Variants in SPAG9 observed in about 807,000 individuals in gnomAD.
SPAG9 encodes sperm associated antigen 9, also known as C-Jun-amino-terminal kinase-interacting protein 4.
A neutral mutation model predicts 166.5 loss-of-function variants in SPAG9; 35 were observed. The observed-to-expected ratio is 0.21, with a 90% CI of 0.16 to 0.28. The LOEUF (loss-of-function observed/expected upper bound fraction) is 0.28, where lower values mean the gene tolerates loss of function less well. SPAG9 is among the 10% of genes least tolerant of loss of function. The probability of loss-of-function intolerance (pLI) is 1.00; values close to 1 mark genes in which losing one functional copy is unlikely to be tolerated. For missense variants in SPAG9, 1,235 were observed against 1,603.3 expected, an observed-to-expected ratio of 0.77 and a Z score of 3.92; for synonymous variants, 534 against 565.5, an observed-to-expected ratio of 0.94 and a Z score of 0.79.
At chr17:50,992,408 G>A (rs1019056571) in intron 19 of SPAG9, among the ~76,000 whole-genome samples, 14 of 152,088 alleles carry the variant, frequency 9.2e-5, no homozygotes, top group African/African-American at 3.1e-4. Flanking sequence ...TTGTTAAGAG[G>A]GCTGGGCATC....
At position 50,974,798 on chromosome 17, in the gene SPAG9, C is replaced by T. The variant is rs1974099067; in HGVS notation, c.3673G>A (p.Ala1225Thr). The change falls in exon 28 of 30, where the codon GCT (alanine) becomes ACT (threonine). Residue 1225 changes from alanine to threonine, a missense_variant. By Grantham distance (58) the Ala-to-Thr change is moderately conservative. This residue lies in a region of SPAG9 where 243 missense variants were observed against 358.6 expected (regional missense o/e 0.68). Coordinates refer to ENST00000262013, the MANE Select transcript of SPAG9 (RefSeq NM_001130528.3). ...AQLCFHGHRD[A>T]VKFFVAVPGQ... is the part of the protein sequence containing the mutation. ...GGGACTGCCACAAAGAATTTCACAG[C>T]ATCCCGGTGCCCATGGAAGCAAAGC... 1.2e-6 allele frequency: 2 copies of T among 1,601,240 alleles called. No homozygotes were observed. Among genetic ancestry groups the T allele is most frequent in the Non-Finnish European group, 1.7e-6 (2 of 1,176,748 alleles).
intron 2 of SPAG9, among the ~76,000 whole-genome samples, chr17:51,062,590 CT>C (rs1203032993): frequency 6.6e-6 from 1 of 151,818 alleles, no homozygotes; most frequent in Non-Finnish European, 1.5e-5. Flanking sequence ...TACTCCATAT[CT>C]TTTTTTTGTT....
At chr17:51,097,127 T>C (rs779655075) in intron 1 of SPAG9, among the ~76,000 whole-genome samples, 6 of 152,202 alleles carry the variant, frequency 3.9e-5, no homozygotes, top group Non-Finnish European at 5.9e-5. Context: ...AAGAACAAGG[T>C]TGAGAGATCT....
intron 1 of SPAG9, among the ~76,000 whole-genome samples, chr17:51,087,381 T>C (rs999307411): frequency 6.6e-6 from 1 of 152,208 alleles, no homozygotes; most frequent in African/African-American, 2.4e-5. Flanking sequence ...GACGGTGTCA[T>C]GAAATTCAAA....
Position 51,007,279 on chromosome 17 carries a change from A to G in SPAG9, c.1261T>C (p.Leu421=), listed in dbSNP as rs2144030449. The change falls in exon 10 of 30, where the codon TTG becomes CTG. Residue 421 remains leucine, a synonymous_variant. Transcript: ENST00000262013. ...TTCACATATACTTACTTGGTTTCCA[A>G]CAGTTGTGTATTTTCTAATATAAGA... ...ENLILENTQL[L]ETKNALNIVK... The G allele has an allele frequency of 6.4e-7, 1 of 1,574,368 alleles. No homozygotes were observed. Among genetic ancestry groups the G allele is most frequent in the Non-Finnish European group, 8.7e-7 (1 of 1,154,028 alleles).
Position 50,987,053 on chromosome 17 carries a change from C to T in SPAG9, c.2939+59G>A, listed in dbSNP as rs985698733. 11 of 1,515,262 alleles carry T rather than the reference C, an allele frequency of 7.3e-6. No individual in the cohort carries two copies. The Admixed American group carries it at 1.1e-4, about 15-fold the overall frequency. 93.9% of individuals were successfully genotyped at this position (1,515,262 alleles called of 1,614,324 possible). ...TTGTTTACCATATTTTACTTATCTT[C>T]TGATTTCAAAAGCAAAAGTAAAACA... On this transcript the variant is annotated intron_variant, in intron 22 of 29. Transcript: ENST00000262013.
At chr17:51,059,796 A>C (rs1278360399) in intron 2 of SPAG9, among the ~76,000 whole-genome samples, 4 of 145,090 alleles carry the variant, frequency 2.8e-5, no homozygotes, top group Non-Finnish European at 6.1e-5. Context: ...ACAAACAAAC[A>C]AACCAAAAAC....
In SPAG9 at chr17:50,979,906, A is replaced by C. The variant is rs112962644; in HGVS notation, c.3249T>G (p.Asp1083Glu). The change falls in exon 26 of 30, where the codon GAT becomes GAG. Residue 1083 changes from aspartate to glutamate, a missense_variant. This residue lies in a region of SPAG9 where 243 missense variants were observed against 358.6 expected (regional missense o/e 0.68). Transcript: ENST00000262013. Reference protein sequence around the residue: ...PKAMKIEKSFDAHPRKESQVR... With the variant: ...PKAMKIEKSFEAHPRKESQVR... ...CTTGGCTCTCCTTCCTGGGATGTGC[A>C]TCAAAAGATTTCTAGGAGAGATTGT... 8 of 1,613,014 alleles carry C rather than the reference A, an allele frequency of 5.0e-6. No homozygotes were observed. Among genetic ancestry groups the C allele is most frequent in the Non-Finnish European group, 6.8e-6 (8 of 1,179,026 alleles).
intron 1 of SPAG9, among the ~76,000 whole-genome samples, chr17:51,113,540 T>C (rs1347047747): frequency 6.7e-6 from 1 of 148,260 alleles, no homozygotes; most frequent in Non-Finnish European, 1.5e-5. Flanking sequence ...GTTAGCGAGG[T>C]GTGGTTGTGA....
chr17:51,113,792 T>C (rs955620973), intron 1 of SPAG9, among the ~76,000 whole-genome samples: 5 of 151,736 alleles, frequency 3.3e-5, no homozygotes, highest in Non-Finnish European at 5.9e-5. Context: ...AGCCCAAATA[T>C]TCAAGATCAG....
At chr17:51,047,859 A>T (rs2047073808) in intron 3 of SPAG9, among the ~76,000 whole-genome samples, 1 of 152,118 alleles carries the variant, frequency 6.6e-6, no homozygotes, top group Non-Finnish European at 1.5e-5. Flanking sequence ...CCATTCACTA[A>T]AATGAGACAC....
intron 25 of SPAG9, among the ~76,000 whole-genome samples, chr17:50,980,861 G>A (rs995060325): frequency 1.1e-4 from 17 of 152,104 alleles, no homozygotes; most frequent in African/African-American, 4.1e-4. Context: ...AATTAGTCAG[G>A]TATAATGGTG....
chr17:50,985,893 G>A, intron 22 of SPAG9, 115 bp from the exon 23 acceptor site: 1 of 579,284 alleles, frequency 1.7e-6, no homozygotes, highest in Non-Finnish European at 3.0e-6. Flanking sequence ...ACAAATTTTA[G>A]GAAAAGGTGC....
At chr17:50,973,264 G>A (rs866289221) in intron 28 of SPAG9, among the ~76,000 whole-genome samples, 1 of 152,114 alleles carries the variant, frequency 6.6e-6, no homozygotes. Context: ...AGGGGCAAGA[G>A]GATTTGCATC....
chr17:50,999,721 C>A lies in SPAG9; in HGVS notation c.1608-4G>T. On this transcript the variant is annotated splice_polypyrimidine_tract_variant and splice_region_variant and intron_variant, in intron 13 of 29. Coordinates refer to ENST00000262013, the MANE Select transcript of SPAG9 (RefSeq NM_001130528.3). ...GGCTGGATTTTCTCGTGATGCCCTA[C>A]ATTCAAAAAGAAAAGAAAAGAAACA... 1 of 1,611,142 alleles carries A rather than the reference C, an allele frequency of 6.2e-7. No individual in the cohort carries two copies. Among genetic ancestry groups the A allele is most frequent in the Non-Finnish European group, 8.5e-7 (1 of 1,178,518 alleles).
Position 50,970,835 on chromosome 17 carries a change from C to G in SPAG9, c.3722G>C (p.Ser1241Thr). 2 of 1,613,914 alleles carry G rather than the reference C, an allele frequency of 1.2e-6. No individual in the cohort carries two copies. Among genetic ancestry groups the G allele is most frequent in the Non-Finnish European group, 1.7e-6 (2 of 1,179,946 alleles). ...CGTCAGATCCGTGCCACTACTGCTA[C>G]TTTGTGGGCTGATGACTTGACCTGT... Reference protein sequence around the residue: ...AVPGQVISPQSSSSGTDLTGD... With the variant: ...AVPGQVISPQTSSSGTDLTGD... The change falls in exon 29 of 30, where the codon AGT (serine) becomes ACT (threonine). Residue 1241 changes from serine to threonine, a missense_variant. This residue lies in a region of SPAG9 where 243 missense variants were observed against 358.6 expected (regional missense o/e 0.68). Transcript: ENST00000262013.
chr17:51,088,851 T>C (rs2048368971), intron 1 of SPAG9, among the ~76,000 whole-genome samples: 1 of 151,376 alleles, frequency 6.6e-6, no homozygotes, highest in Non-Finnish European at 1.5e-5. Flanking sequence ...TCCCAGCACT[T>C]TGGGAGGCCG....
chr17:50,996,461 AGATGAGCAGGGCTGG>A, intron 16 of SPAG9, 89 bp downstream of exon 16: 1 of 1,336,992 alleles, frequency 7.5e-7, no homozygotes, highest in Admixed American at 1.9e-5. Context: ...CATGCGGCTG[AGATGAGCAGGGCTGG>A]GATGCGTACA....
rs1293499336 is a variant in SPAG9, at chr17:50,963,246, C to T, written c.*3026G>A. 2.0e-5 allele frequency: 3 copies of T among 152,180 alleles called. No homozygotes were observed. Among genetic ancestry groups the T allele is most frequent in the Non-Finnish European group, 2.9e-5 (2 of 68,016 alleles). 9.4% of individuals were successfully genotyped at this position (152,180 alleles called of 1,614,324 possible). A position where few individuals can be genotyped will look rare whatever the true frequency, so the allele number is the denominator to read the frequency against. On this transcript the variant is annotated 3_prime_UTR_variant, in exon 30 of 30. Transcript: ENST00000262013. ...TGTACAGTGAGATCAACCCAAAGTA[C>T]GCAAGCCTCTTCTCTCCCTTGATGT... is the stretch of plus-strand genomic sequence containing the variant.
Sources: allele counts gnomAD v4.1 joint callset (sites outside exome capture counted in the v4.1 genomes callset), GRCh38; gene constraint gnomAD v4.1.1; regional missense constraint gnomAD v4.1.1; transcripts MANE v1.5; gene names NCBI Gene and HGNC (gene_info 2026-07-23, HGNC 2026-07-21).